MAGI1: variants seen among roughly 807,000 people sequenced by gnomAD.
The protein encoded by MAGI1 is membrane associated guanylate kinase, WW and PDZ domain containing 1.
A neutral mutation model predicts 139.9 loss-of-function variants in MAGI1; 58 were observed. The ratio of observed to expected loss-of-function variants is 0.41; its 90% CI spans 0.34 to 0.52. The LOEUF is 0.52. Ranked by LOEUF, MAGI1 falls within the 20% of genes least tolerant of loss-of-function variation. MAGI1 has a pLI of 0.12. For missense variants in MAGI1, 1,874 were observed against 1,901.6 expected, an observed-to-expected ratio of 0.99 and a Z score of 0.27; for synonymous variants, 812 against 737.9, an observed-to-expected ratio of 1.10 and a Z score of -1.63.
intron 18 of MAGI1, among the ~76,000 whole-genome samples, chr3:65,374,363 G>A (rs1942296909): frequency 7.0e-6 from 1 of 142,136 alleles, no homozygotes; most frequent in Admixed American, 7.6e-5. Flanking sequence ...TGTTGCCCAG[G>A]CTGGAGTGCA....
chr3:65,688,605 T>G (rs1245865196), intron 1 of MAGI1: 1 of 268,988 alleles, frequency 3.7e-6, no homozygotes, highest in East Asian at 8.5e-5. Context: ...GGAAATAAAC[T>G]CTACAGAAGT....
At chr3:65,424,982 A>G (rs1946904534) in intron 12 of MAGI1, among the ~76,000 whole-genome samples, 2 of 151,972 alleles carry the variant, frequency 1.3e-5, no homozygotes, top group South Asian at 4.2e-4. Flanking sequence ...AGGCTAAGGC[A>G]GGAGGTTCAT....
chr3:65,711,978 G>C (rs570766342), intron 1 of MAGI1, among the ~76,000 whole-genome samples: 17 of 152,064 alleles, frequency 1.1e-4, no homozygotes, highest in Non-Finnish European at 2.1e-4. Context: ...TTTTATTCTT[G>C]TGATTTTGGA....
intron 2 of MAGI1, among the ~76,000 whole-genome samples, chr3:65,602,093 A>C (rs1349010119): frequency 6.6e-6 from 1 of 152,158 alleles, no homozygotes; most frequent in Non-Finnish European, 1.5e-5. Context: ...CGATGTTGAT[A>C]ATTGGAAGTG....
intron 1 of MAGI1, among the ~76,000 whole-genome samples, chr3:65,652,988 T>C (rs1010251469): frequency 6.6e-6 from 1 of 152,146 alleles, no homozygotes; most frequent in Admixed American, 6.6e-5. Context: ...GTCCAGGACA[T>C]GTGAGTCATC....
chr3:65,545,490 T>G (rs182890944), intron 2 of MAGI1, among the ~76,000 whole-genome samples: 166 of 152,302 alleles, frequency 1.1e-3, no homozygotes, highest in Middle Eastern at 0.01. Flanking sequence ...ATAGTGGAAT[T>G]GTACATAAGA....
chr3:66,038,449 G>A lies in MAGI1; in HGVS notation c.-141C>T. On this transcript the variant is annotated 5_prime_UTR_variant, in exon 1 of 23. Transcript: ENST00000402939. ...CAGGAGAGAGAAACTTGGCAGCCTC[G>A]CTCCCCTGCACACGCTCGCGCACTC... 4 of 1,199,158 alleles carry A rather than the reference G, an allele frequency of 3.3e-6. No homozygotes were observed. Among genetic ancestry groups the A allele is most frequent in the South Asian group, 1.7e-5 (1 of 59,460 alleles). The allele number at this position is 1,199,158 out of a possible 1,614,324, so 74.3% of individuals were successfully genotyped here. A position where few individuals can be genotyped will look rare whatever the true frequency, so the allele number is the denominator to read the frequency against.
chr3:65,431,612 C>G (rs896669265), intron 10 of MAGI1, among the ~76,000 whole-genome samples: 10 of 151,832 alleles, frequency 6.6e-5, no homozygotes, highest in Non-Finnish European at 1.0e-4. Context: ...AAACCCCCCC[C>G]ACAACACACA....
At chr3:65,517,023 C>T (rs541830580) in intron 2 of MAGI1, among the ~76,000 whole-genome samples, 7 of 151,836 alleles carry the variant, frequency 4.6e-5, no homozygotes, top group South Asian at 2.1e-4. Context: ...CCACCGCGCC[C>T]GGCCCCATCC....
intron 1 of MAGI1, among the ~76,000 whole-genome samples, chr3:65,764,739 A>T (rs1559860366): frequency 6.6e-6 from 1 of 152,104 alleles, no homozygotes; most frequent in Non-Finnish European, 1.5e-5. Context: ...ACAGTGAGAA[A>T]GTCGTGTCAT....
chr3:65,378,935 G>C (rs1439511069), intron 17 of MAGI1, among the ~76,000 whole-genome samples: 1 of 152,108 alleles, frequency 6.6e-6, no homozygotes, highest in Non-Finnish European at 1.5e-5. Flanking sequence ...ACCCTCCTCG[G>C]CCTCCCAAAG....
chr3:65,950,044 C>CAAAAAA (rs143046732), intron 1 of MAGI1, among the ~76,000 whole-genome samples: 1 of 49,792 alleles, frequency 2.0e-5, no homozygotes, highest in Admixed American at 3.3e-4. Context: ...GCCAGATCAT[C>CAAAAAA]AAAAAAAAAA....
chr3:65,376,836 C>T (rs1046207304), intron 17 of MAGI1, among the ~76,000 whole-genome samples: 2 of 152,098 alleles, frequency 1.3e-5, no homozygotes, highest in African/African-American at 4.8e-5. Context: ...TATCAAAGAC[C>T]GAGAAAAGTG....
chr3:65,719,283 ATATG>A (rs1280241433), intron 1 of MAGI1, among the ~76,000 whole-genome samples: 5 of 150,800 alleles, frequency 3.3e-5, no homozygotes, highest in Admixed American at 2.0e-4. Context: ...ATATACACAT[ATATG>A]TGTGTGTGTG....
chr3:65,684,906 T>A (rs1182365912), intron 1 of MAGI1, among the ~76,000 whole-genome samples: 1 of 126,220 alleles, frequency 7.9e-6, no homozygotes, highest in Non-Finnish European at 1.6e-5. Flanking sequence ...TTGGTAGAGA[T>A]GAGATTTTGC....
intron 18 of MAGI1, among the ~76,000 whole-genome samples, chr3:65,367,985 C>T (rs930042956): frequency 6.6e-6 from 1 of 152,126 alleles, no homozygotes; most frequent in Non-Finnish European, 1.5e-5. Context: ...CCCTAGATTT[C>T]CAGGATGTTT....
At chr3:65,765,845 G>C (rs2037425109) in intron 1 of MAGI1, among the ~76,000 whole-genome samples, 1 of 150,698 alleles carries the variant, frequency 6.6e-6, no homozygotes, top group Non-Finnish European at 1.5e-5. Flanking sequence ...TTCTAAGCAA[G>C]GCAATGATTC....
At chr3:65,949,573 G>C (rs2063698666) in intron 1 of MAGI1, among the ~76,000 whole-genome samples, 1 of 152,186 alleles carries the variant, frequency 6.6e-6, no homozygotes, top group Admixed American at 6.5e-5. Flanking sequence ...TTCAGCTGAA[G>C]TATGAGACAT....
At chr3:65,797,507 G>A (rs952176060) in intron 1 of MAGI1, among the ~76,000 whole-genome samples, 1 of 152,160 alleles carries the variant, frequency 6.6e-6, no homozygotes, top group African/African-American at 2.4e-5. Flanking sequence ...CAGACGGCTT[G>A]AGCCCCAGAG....
Sources: gnomAD v4.1 joint callset for allele counts (sites outside exome capture counted in the v4.1 genomes callset) on GRCh38, gnomAD v4.1.1 for gene constraint, MANE v1.5 for transcripts, NCBI Gene and HGNC (gene_info 2026-07-23, HGNC 2026-07-21) for gene names.